ZNF385D: variants seen among roughly 807,000 people sequenced by gnomAD.
ZNF385D encodes the protein zinc finger protein 385D.
Under a neutral mutation model 35.8 loss-of-function variants are expected in ZNF385D, and 15 were observed. That is an observed-to-expected ratio of 0.42 (90% CI 0.28 to 0.64). The LOEUF is 0.64. ZNF385D is among the 30% of genes least tolerant of loss of function. The probability of loss-of-function intolerance (pLI) is 0.23; values close to 1 mark genes in which losing one functional copy is unlikely to be tolerated. For missense variants in ZNF385D, 474 were observed against 494.6 expected (o/e 0.96, Z 0.39); for synonymous variants, 212 against 186.8 (o/e 1.13, Z -1.10).
intron 3 of ZNF385D, among the ~76,000 whole-genome samples, chr3:21,532,600 A>G (rs1469941641): frequency 1.3e-5 from 2 of 151,894 alleles, no homozygotes; most frequent in Non-Finnish European, 2.9e-5. Context: ...GTACCCCATA[A>G]TTGAAATAAA....
chr3:22,262,848 T>TCCC (rs1700705943), intron 2 of ZNF385D, among the ~76,000 whole-genome samples: 1 of 151,684 alleles, frequency 6.6e-6, no homozygotes, highest in Non-Finnish European at 1.5e-5. Flanking sequence ...CGTCCCCTCT[T>TCCC]CCCCCACCTA....
At chr3:21,484,907 T>C (rs989282842) in intron 4 of ZNF385D, among the ~76,000 whole-genome samples, 10 of 152,086 alleles carry the variant, frequency 6.6e-5, no homozygotes, top group Non-Finnish European at 1.2e-4. Context: ...GACCGGCATA[T>C]ATAGGAGGCA....
intron 3 of ZNF385D, among the ~76,000 whole-genome samples, chr3:22,042,432 T>TA (rs150131463): frequency 1.1e-3 from 167 of 148,446 alleles, no homozygotes; most frequent in African/African-American, 3.6e-3. Flanking sequence ...GTGATAGGGC[T>TA]AAAAAAAAAA....
intron 3 of ZNF385D, among the ~76,000 whole-genome samples, chr3:21,860,852 C>A (rs114499646): frequency 1.3e-5 from 2 of 152,048 alleles, no homozygotes; most frequent in African/African-American, 4.8e-5. Context: ...CTTGGAGATT[C>A]CTGTCAAACC....
intron 3 of ZNF385D, among the ~76,000 whole-genome samples, chr3:21,955,715 C>T (rs561301075): frequency 7.9e-5 from 12 of 152,068 alleles, no homozygotes; most frequent in Admixed American, 3.9e-4. Context: ...TGAGTATCTT[C>T]GATTAACTCA....
chr3:21,682,537 A>G (rs2066950060), intron 1 of ZNF385D, among the ~76,000 whole-genome samples: 1 of 150,286 alleles, frequency 6.7e-6, no homozygotes, highest in Non-Finnish European at 1.5e-5. Context: ...TGTCTGGAAG[A>G]AAGGACACAT....
chr3:21,478,858 T>A (rs2125369417), intron 4 of ZNF385D, among the ~76,000 whole-genome samples: 1 of 152,232 alleles, frequency 6.6e-6, no homozygotes, highest in East Asian at 1.9e-4. Context: ...TTTTTCTATT[T>A]ACCTACATTC....
chr3:22,144,811 A>G (rs369902968), intron 3 of ZNF385D, among the ~76,000 whole-genome samples: 1 of 152,266 alleles, frequency 6.6e-6, no homozygotes, highest in East Asian at 1.9e-4. Flanking sequence ...GTATTTTCAA[A>G]ATCAAACTCC....
chr3:22,182,187 A>G (rs142291100), intron 2 of ZNF385D, among the ~76,000 whole-genome samples: 6 of 152,324 alleles, frequency 3.9e-5, no homozygotes, highest in South Asian at 2.1e-4. Flanking sequence ...GCATAAATAC[A>G]TAACTACTAT....
At chr3:21,759,929 T>C (rs2125582935) in intron 3 of ZNF385D, among the ~76,000 whole-genome samples, 1 of 152,300 alleles carries the variant, frequency 6.6e-6, no homozygotes, top group Admixed American at 6.5e-5. Flanking sequence ...AGCCCCAATG[T>C]TGCAAGAATT....
At chr3:22,282,722 A>T (rs980974880) in intron 2 of ZNF385D, among the ~76,000 whole-genome samples, 1 of 152,062 alleles carries the variant, frequency 6.6e-6, no homozygotes, top group African/African-American at 2.4e-5. Context: ...AAATATACCA[A>T]AATAAAATCT....
At chr3:21,437,390 A>G (rs75194955) in intron 4 of ZNF385D, among the ~76,000 whole-genome samples, 187 bp from the exon 5 acceptor site, 166 of 152,262 alleles carry the variant, frequency 1.1e-3, no homozygotes, top group Non-Finnish European at 2.2e-3. Flanking sequence ...AATTTTATGT[A>G]TTAAAATAAC....
intron 2 of ZNF385D, among the ~76,000 whole-genome samples, chr3:21,612,286 G>T (rs1457344098): frequency 6.6e-6 from 1 of 152,000 alleles, no homozygotes; most frequent in Non-Finnish European, 1.5e-5. Context: ...TTTTAGTAGA[G>T]ACGGGGTATC....
chr3:22,097,581 T>A (rs1401189803), intron 3 of ZNF385D, among the ~76,000 whole-genome samples: 1 of 152,080 alleles, frequency 6.6e-6, no homozygotes, highest in Non-Finnish European at 1.5e-5. Context: ...GCAAAATGAC[T>A]TCTTCTCACT....
rs1700560029 is a variant in ZNF385D, at chr3:21,416,174, G to A, written c.*5040C>T. ...GCCTCCCGAGTAGCTGGGACTACAG[G>A]CGCCCGCCACCGCGCCCGGCTAATT... On this transcript the variant is annotated 3_prime_UTR_variant, in exon 8 of 8. Transcript: ENST00000281523. 5.1e-5 allele frequency: 2 copies of A among 38,864 alleles called. 1 individual carries two copies. The highest frequency in any genetic ancestry group is 4.0e-4 in the Admixed American group (2 of 4,974). The allele number at this position is 38,864 out of a possible 1,614,324, so 2.4% of individuals were successfully genotyped here. A position where few individuals can be genotyped will look rare whatever the true frequency, so the allele number is the denominator to read the frequency against.
chr3:21,953,106 A>G (rs1378127058), intron 3 of ZNF385D, among the ~76,000 whole-genome samples: 4 of 151,976 alleles, frequency 2.6e-5, no homozygotes, highest in Non-Finnish European at 4.4e-5. Flanking sequence ...AGTACTCTAC[A>G]GTATTATCTT....
At chr3:21,824,689 A>T (rs1694488443) in intron 3 of ZNF385D, among the ~76,000 whole-genome samples, 1 of 152,144 alleles carries the variant, frequency 6.6e-6, no homozygotes, top group African/African-American at 2.4e-5. Context: ...TAGGAAATGA[A>T]ATTATTCCAT....
intron 3 of ZNF385D, among the ~76,000 whole-genome samples, chr3:21,978,857 A>G (rs1422790779): frequency 6.6e-6 from 1 of 152,186 alleles, no homozygotes; most frequent in Non-Finnish European, 1.5e-5. Context: ...ACTGTATAAA[A>G]ATATTCACAA....
intron 3 of ZNF385D, among the ~76,000 whole-genome samples, chr3:22,002,607 C>A (rs1695925618): frequency 6.6e-6 from 1 of 152,094 alleles, no homozygotes; most frequent in Admixed American, 6.6e-5. Context: ...ACACCAAAAC[C>A]AGACAAGGGC....
Sources: allele counts gnomAD v4.1 joint callset (sites outside exome capture counted in the v4.1 genomes callset), GRCh38; gene constraint gnomAD v4.1.1; transcripts MANE v1.5; gene names NCBI Gene and HGNC (gene_info 2026-07-23, HGNC 2026-07-21).